NDST4: variants seen among roughly 807,000 people sequenced by gnomAD.
NDST4 encodes N-deacetylase and N-sulfotransferase 4.
A neutral mutation model predicts 100.8 loss-of-function variants in NDST4; 63 were observed. The ratio of observed to expected loss-of-function variants is 0.62; its 90% CI spans 0.51 to 0.77. The LOEUF (loss-of-function observed/expected upper bound fraction) is 0.77, where lower values mean the gene tolerates loss of function less well. NDST4 is among the 30% of genes least tolerant of loss of function. NDST4 has a pLI of 0.00. For missense variants in NDST4, 943 were observed against 1,018.4 expected (o/e 0.93, Z 1.01); for synonymous variants, 377 against 361.8 (o/e 1.04, Z -0.48).
At chr4:114,927,512 G>T (rs1725410967) in intron 6 of NDST4, among the ~76,000 whole-genome samples, 2 of 151,602 alleles carry the variant, frequency 1.3e-5, no homozygotes, top group Non-Finnish European at 2.9e-5. Context: ...AATGATTAGG[G>T]GCTTTTCATT....
chr4:114,839,227 G>A (rs1578335952), intron 11 of NDST4, 151 bp downstream of exon 11: 1 of 596,384 alleles, frequency 1.7e-6, no homozygotes, highest in Non-Finnish European at 2.7e-6. Flanking sequence ...ATAAATCACT[G>A]TCTCTGGCAA....
intron 1 of NDST4, among the ~76,000 whole-genome samples, chr4:115,082,252 C>A (rs1023554744): frequency 6.6e-6 from 1 of 152,070 alleles, no homozygotes; most frequent in South Asian, 2.1e-4. Context: ...ATGATATTAA[C>A]ACTATTGTTT....
intron 4 of NDST4, among the ~76,000 whole-genome samples, chr4:114,962,936 A>G (rs775518937): frequency 5.3e-5 from 8 of 152,160 alleles, no homozygotes; most frequent in Non-Finnish European, 8.8e-5. Flanking sequence ...GGTGAGAGCA[A>G]TTGGAACACT....
chr4:115,034,674 C>CA (rs1560574824), intron 2 of NDST4, among the ~76,000 whole-genome samples: 1 of 151,930 alleles, frequency 6.6e-6, no homozygotes, highest in African/African-American at 2.4e-5. Context: ...GTGTTCTAAT[C>CA]TTTTATAGGG....
At chr4:114,918,833 C>T (rs916527977) in intron 6 of NDST4, among the ~76,000 whole-genome samples, 6 of 152,200 alleles carry the variant, frequency 3.9e-5, no homozygotes, top group Non-Finnish European at 7.3e-5. Flanking sequence ...TTAAGCCAGA[C>T]TCTCACTTTG....
intron 2 of NDST4, among the ~76,000 whole-genome samples, chr4:115,051,042 T>G (rs1728571119): frequency 6.6e-6 from 1 of 152,096 alleles, no homozygotes; most frequent in South Asian, 2.1e-4. Flanking sequence ...TAAACAATTG[T>G]TCCAGATAGA....
chr4:115,011,305 CT>C (rs946766630), intron 2 of NDST4, among the ~76,000 whole-genome samples: 1 of 151,936 alleles, frequency 6.6e-6, no homozygotes, highest in African/African-American at 2.4e-5. Flanking sequence ...TCATGCCATT[CT>C]GGTACTTATC....
chr4:114,962,239 C>T (rs1393812614), intron 4 of NDST4, among the ~76,000 whole-genome samples: 1 of 152,014 alleles, frequency 6.6e-6, no homozygotes, highest in Non-Finnish European at 1.5e-5. Flanking sequence ...CCCCTTAAGA[C>T]CAGGCATAAA....
chr4:115,076,537 G>A lies in NDST4; in HGVS notation c.500C>T (p.Ala167Val), dbSNP rs763460468. Residue 167 changes from alanine to valine, a missense_variant, in exon 2 of 14, where the codon GCC becomes GTC. This residue lies in a region of NDST4 where 417 missense variants were observed against 384.2 expected (regional missense o/e 1.09). Transcript: ENST00000264363. The part of the protein sequence containing the change: ...YSVSIIGFHK[A>V]NENSLPSTQL... ...TGTACTTGGTAAGCTGTTCTCATTG[G>A]CTTTATGAAAACCGATTATACTAAC... 2 of 1,613,928 alleles carry A rather than the reference G, an allele frequency of 1.2e-6. No individual in the cohort carries two copies. Among genetic ancestry groups the A allele is most frequent in the Non-Finnish European group, 1.7e-6 (2 of 1,179,942 alleles).
At chr4:115,022,004 A>ATATGTTCCATATCTC (rs1369737964) in intron 2 of NDST4, among the ~76,000 whole-genome samples, 27 of 151,764 alleles carry the variant, frequency 1.8e-4, no homozygotes, top group East Asian at 7.8e-4. Context: ...TATTCCATAT[A>ATATGTTCCATATCTC]TATGTTCCAT....
chr4:114,892,734 T>A (rs1724626331), intron 6 of NDST4, among the ~76,000 whole-genome samples: 1 of 152,072 alleles, frequency 6.6e-6, no homozygotes, highest in South Asian at 2.1e-4. Context: ...TTTTCTTTTT[T>A]TTTTGTGGGG....
At chr4:114,986,033 A>G (rs765445791) in intron 2 of NDST4, among the ~76,000 whole-genome samples, 2 of 152,198 alleles carry the variant, frequency 1.3e-5, no homozygotes, top group Non-Finnish European at 2.9e-5. Flanking sequence ...CAAAATGTAT[A>G]TATACCGGTA....
chr4:114,843,026 GA>G (rs1451317046), intron 10 of NDST4, among the ~76,000 whole-genome samples: 13 of 151,982 alleles, frequency 8.6e-5, no homozygotes, highest in African/African-American at 3.1e-4. Flanking sequence ...ATTATCATAT[GA>G]TGTAGTACTA....
chr4:114,988,414 T>C (rs1297447619), intron 2 of NDST4, among the ~76,000 whole-genome samples: 1 of 136,850 alleles, frequency 7.3e-6, no homozygotes, highest in Non-Finnish European at 1.5e-5. Flanking sequence ...CAGGCTGGAG[T>C]GCAGTGGCGC....
chr4:115,066,585 T>C lies in NDST4; in HGVS notation c.978+9474A>G, dbSNP rs530306. On this transcript the variant is annotated intron_variant, in intron 2 of 13. Transcript: ENST00000264363. ...TTCAAACAAGCAAAATTCTACTTACTAAAACAATTTAATTGACACAGTGAT... is the reference window on the plus strand; with the variant it reads ...TTCAAACAAGCAAAATTCTACTTACCAAAACAATTTAATTGACACAGTGAT... Among the ~76,000 whole-genome samples the C allele has an allele frequency of 8.5e-3, 1,294 of 152,292 alleles. 21 individuals carry two copies. The highest frequency in any genetic ancestry group is 0.029 in the African/African-American group (1,198 of 41,572).
intron 2 of NDST4, among the ~76,000 whole-genome samples, chr4:114,985,895 T>C (rs1442033244): frequency 6.6e-6 from 1 of 152,104 alleles, no homozygotes; most frequent in Non-Finnish European, 1.5e-5. Flanking sequence ...AAATGGGACC[T>C]GGGGAGTCTG....
intron 2 of NDST4, among the ~76,000 whole-genome samples, chr4:114,996,094 C>G (rs1009986529): frequency 1.3e-5 from 2 of 152,084 alleles, no homozygotes; most frequent in African/African-American, 4.8e-5. Context: ...TGGTTTGGCT[C>G]TGTATCCCCA....
intron 2 of NDST4, among the ~76,000 whole-genome samples, chr4:115,037,291 T>C (rs1456700364): frequency 2.0e-5 from 3 of 152,040 alleles, no homozygotes; most frequent in Non-Finnish European, 4.4e-5. Context: ...ATGAGCAAAA[T>C]GTACCACTTG....
intron 2 of NDST4, among the ~76,000 whole-genome samples, chr4:115,032,208 T>C (rs1728131774): frequency 6.6e-6 from 1 of 152,088 alleles, no homozygotes; most frequent in Non-Finnish European, 1.5e-5. Flanking sequence ...CTTCCTAGTC[T>C]TCAGGAAAAA....
Sources: gnomAD v4.1 joint callset for allele counts (sites outside exome capture counted in the v4.1 genomes callset) on GRCh38, gnomAD v4.1.1 for gene constraint, gnomAD v4.1.1 regional missense constraint, MANE v1.5 for transcripts, NCBI Gene and HGNC (gene_info 2026-07-23, HGNC 2026-07-21) for gene names.